Variants in ZNF644 observed in about 807,000 individuals in gnomAD.
ZNF644 encodes zinc finger protein 644, also known as zinc finger motif enhancer binding protein 2.
Under a neutral mutation model 108.0 loss-of-function variants are expected in ZNF644, and 20 were observed. That is an observed-to-expected ratio of 0.19 (90% confidence interval 0.13 to 0.27). The LOEUF (loss-of-function observed/expected upper bound fraction) is 0.27, where lower values mean the gene tolerates loss of function less well. Among genes scored for constraint, ZNF644 ranks in the 10% least tolerant of loss-of-function variants. The pLI is 1.00. For missense variants in ZNF644, 1,338 were observed against 1,548.9 expected, an observed-to-expected ratio of 0.86 and a Z score of 2.29; for synonymous variants, 542 against 539.1, an observed-to-expected ratio of 1.01 and a Z score of -0.08.
Position 90,982,357 on chromosome 1 carries a change from A to G in ZNF644, c.-4T>C, listed in dbSNP as rs1236898036. 7 of 1,610,340 alleles carry G rather than the reference A, an allele frequency of 4.3e-6. No individual in the cohort carries two copies. The highest frequency in any genetic ancestry group is 1.7e-6 in the Non-Finnish European group (2 of 1,179,034). On this transcript the variant is annotated 5_prime_UTR_variant, in exon 2 of 6. Coordinates refer to ENST00000337393, the MANE Select transcript of ZNF644 (RefSeq NM_201269.3). ...CTTGCTGCAAGAACGATCTCATCCAAAATTAAATCAAACCTGAAAGAAATA... is the reference window on the plus strand; with the variant it reads ...CTTGCTGCAAGAACGATCTCATCCAGAATTAAATCAAACCTGAAAGAAATA...
chr1:91,007,225 GTTTTTTT>G (rs35761791), intron 1 of ZNF644, among the ~76,000 whole-genome samples: 1 of 55,972 alleles, frequency 1.8e-5, no homozygotes, highest in African/African-American at 7.6e-5. Context: ...CTCCCATTTT[GTTTTTTT>G]TTTTTTTTTT....
chr1:90,917,961 G>T, intron 5 of ZNF644, 91 bp downstream of exon 5: 4 of 1,082,136 alleles, frequency 3.7e-6, no homozygotes, highest in Non-Finnish European at 5.7e-6. Context: ...AATGCACTCT[G>T]CCACAAATTA....
intron 1 of ZNF644, among the ~76,000 whole-genome samples, chr1:91,008,716 A>T (rs1659668128): frequency 6.6e-6 from 1 of 152,234 alleles, no homozygotes; most frequent in Non-Finnish European, 1.5e-5. Flanking sequence ...GCCTCATCAG[A>T]TAACTTGGAC....
At chr1:91,004,311 C>T (rs1033557804) in intron 1 of ZNF644, among the ~76,000 whole-genome samples, 3 of 152,070 alleles carry the variant, frequency 2.0e-5, no homozygotes, top group African/African-American at 7.2e-5. Flanking sequence ...CTAAAAGAAG[C>T]AAGAAAGAAG....
chr1:91,007,140 T>C (rs1659501517), intron 1 of ZNF644, among the ~76,000 whole-genome samples: 1 of 151,886 alleles, frequency 6.6e-6, no homozygotes, highest in Admixed American at 6.6e-5. Flanking sequence ...TCAGTCACCA[T>C]GTTGAGCATT....
chr1:90,970,039 T>C lies in ZNF644; in HGVS notation c.44+12271A>G, dbSNP rs907995849. Among the ~76,000 whole-genome samples, 63 of 152,352 alleles carry C rather than the reference T, an allele frequency of 4.1e-4. 1 individual carries two copies. Among genetic ancestry groups the C allele is most frequent in the African/African-American group, 1.5e-3 (61 of 41,590 alleles). On this transcript the variant is annotated intron_variant, in intron 2 of 5. Transcript: ENST00000337393. ...CTAAGGTCATCTCCAACATGCTTTA[T>C]GCTAAATGCTGAGATGTGAGCAGAA...
At chr1:91,004,956 A>C (rs1659270346) in intron 1 of ZNF644, among the ~76,000 whole-genome samples, 1 of 152,110 alleles carries the variant, frequency 6.6e-6, no homozygotes, top group Non-Finnish European at 1.5e-5. Flanking sequence ...ATAGAAAACA[A>C]AGAGCAAAAT....
intron 4 of ZNF644, among the ~76,000 whole-genome samples, chr1:90,924,352 C>T (rs1357924495): frequency 6.6e-6 from 1 of 152,128 alleles, no homozygotes; most frequent in African/African-American, 2.4e-5. Flanking sequence ...TTTTGTAAGA[C>T]ACATCTGAAA....
chr1:91,015,801 T>C (rs2100679179), intron 1 of ZNF644, among the ~76,000 whole-genome samples: 1 of 152,228 alleles, frequency 6.6e-6, no homozygotes, highest in South Asian at 2.1e-4. Context: ...CAACTGCAAA[T>C]CACTCACAGG....
chr1:90,919,478 T>C (rs1359876393), intron 4 of ZNF644, among the ~76,000 whole-genome samples: 1 of 152,040 alleles, frequency 6.6e-6, no homozygotes, highest in Admixed American at 6.6e-5. Flanking sequence ...ATAACAGAAA[T>C]GTCATATAGA....
Position 90,916,045 on chromosome 1 carries a change from G to A in ZNF644, c.*753C>T, listed in dbSNP as rs1648728693. 6.6e-6 allele frequency: 1 copy of A among 152,540 alleles called. No individual in the cohort carries two copies. Among genetic ancestry groups the A allele is most frequent in the African/African-American group, 2.4e-5 (1 of 41,414 alleles). 9.4% of individuals were successfully genotyped at this position (152,540 alleles called of 1,614,324 possible). A position where few individuals can be genotyped will look rare whatever the true frequency, so the allele number is the denominator to read the frequency against. ...ATCTATTATGATACAAAAATGTAAA[G>A]GGTAAATAGCATCTTTGTTGACAAA... On this transcript the variant is annotated 3_prime_UTR_variant, in exon 6 of 6. Transcript: ENST00000337393.
chr1:91,012,257 T>C (rs1372133883), intron 1 of ZNF644, among the ~76,000 whole-genome samples: 1 of 150,012 alleles, frequency 6.7e-6, no homozygotes, highest in Non-Finnish European at 1.5e-5. Flanking sequence ...ATAAGAAGTT[T>C]AGAAACAAAA....
chr1:90,982,864 A>C (rs929999754), intron 1 of ZNF644, among the ~76,000 whole-genome samples: 1 of 152,130 alleles, frequency 6.6e-6, no homozygotes, highest in Non-Finnish European at 1.5e-5. Flanking sequence ...TAATTATCAT[A>C]ATAGCCAACA....
chr1:90,942,896 TC>T (rs968918560), intron 2 of ZNF644, among the ~76,000 whole-genome samples: 6 of 152,194 alleles, frequency 3.9e-5, no homozygotes, highest in Non-Finnish European at 8.8e-5. Flanking sequence ...CATGCATTGT[TC>T]CTGTATTCCA....
At chr1:90,920,948 A>G (rs1227483505) in intron 4 of ZNF644, among the ~76,000 whole-genome samples, 1 of 152,104 alleles carries the variant, frequency 6.6e-6, no homozygotes, top group African/African-American at 2.4e-5. Context: ...ATATTTTACA[A>G]TAGTTTTTCT....
chr1:90,970,133 G>A (rs1207244452), intron 2 of ZNF644, among the ~76,000 whole-genome samples: 4 of 152,116 alleles, frequency 2.6e-5, no homozygotes, highest in African/African-American at 7.2e-5. Context: ...TCATATTATT[G>A]CAACCCTATA....
Position 90,940,422 on chromosome 1 carries a change from G to T in ZNF644, c.932C>A (p.Ser311Tyr). The T allele has an allele frequency of 6.2e-7, 1 of 1,613,492 alleles. No individual in the cohort carries two copies. The highest frequency in any genetic ancestry group is 8.5e-7 in the Non-Finnish European group (1 of 1,179,872). The change falls in exon 3 of 6, where the codon TCT (serine) becomes TAT (tyrosine). Residue 311 changes from serine to tyrosine, a missense_variant. Around this residue, in one of 6 missense-constraint regions of ZNF644, gnomAD observed 464 missense variants for 457.9 expected, o/e 1.01. Coordinates refer to ENST00000337393, the MANE Select transcript of ZNF644 (RefSeq NM_201269.3). The stretch of plus-strand genomic sequence containing the variant: ...TTTTGATTTATTGGGTACACAATTA[G>T]AATCACTAAAGCAATCCTCGGTATA... ...TRYTEDCFSD[S>Y]NCVPNKSKMQ...
chr1:91,009,665 C>A (rs1488650076), intron 1 of ZNF644, among the ~76,000 whole-genome samples: 1 of 152,086 alleles, frequency 6.6e-6, no homozygotes, highest in Non-Finnish European at 1.5e-5. Flanking sequence ...ATTCAGCATA[C>A]AAGTACAAGC....
chr1:90,968,775 T>C (rs1655177138), intron 2 of ZNF644, among the ~76,000 whole-genome samples: 2 of 152,184 alleles, frequency 1.3e-5, no homozygotes, highest in South Asian at 4.1e-4. Flanking sequence ...ACTTTAAGGA[T>C]ACCTTTCAAT....
Sources: allele counts gnomAD v4.1 joint callset (sites outside exome capture counted in the v4.1 genomes callset), GRCh38; gene constraint gnomAD v4.1.1; regional missense constraint gnomAD v4.1.1; transcripts MANE v1.5; gene names NCBI Gene and HGNC (gene_info 2026-07-23, HGNC 2026-07-21).